Variants in SLCO2B1 observed in about 807,000 individuals in gnomAD.
SLCO2B1 encodes the protein solute carrier organic anion transporter family member 2B1.
Under a neutral mutation model 67.3 loss-of-function variants are expected in SLCO2B1, and 41 were observed. That is an observed-to-expected ratio of 0.61 (90% CI 0.47 to 0.79). The LOEUF is 0.79. Ranked by LOEUF, SLCO2B1 falls within the 30% of genes least tolerant of loss-of-function variation. SLCO2B1 has a pLI of 0.00. For missense variants in SLCO2B1, 837 were observed against 920.1 expected, an observed-to-expected ratio of 0.91 and a Z score of 1.17; for synonymous variants, 379 against 381.4, an observed-to-expected ratio of 0.99 and a Z score of 0.07.
chr11:75,197,280 A>G (rs995309350), intron 10 of SLCO2B1, among the ~76,000 whole-genome samples: 2 of 152,226 alleles, frequency 1.3e-5, no homozygotes, highest in African/African-American at 4.8e-5. Context: ...AGCACATACA[A>G]AGATGAAAAG....
Position 75,200,263 on chromosome 11 carries a change from C to A in SLCO2B1, c.1639C>A (p.Pro547Thr). Residue 547 changes from proline to threonine, a missense_variant, in exon 11 of 14, where the codon CCC (proline) becomes ACC (threonine). Coordinates refer to ENST00000289575, the MANE Select transcript of SLCO2B1 (RefSeq NM_007256.5). ...TNCSCVVEGNPVLAGSCDSTC... is the reference protein window; with the variant it reads ...TNCSCVVEGNTVLAGSCDSTC... ...CTGCAGCTGCGTGGTGGAGGGCAAC[C>A]CCGTGCTGGCAGGATCCTGCGACTC... 6.2e-7 allele frequency: 1 copy of A among 1,613,852 alleles called. No homozygotes were observed. The highest frequency in any genetic ancestry group is 8.5e-7 in the Non-Finnish European group (1 of 1,179,876).
chr11:75,200,312 C>G lies in SLCO2B1; in HGVS notation c.1688C>G (p.Pro563Arg), dbSNP rs1945163721. ...TCAACGTGCAGCCATCTGGTGGTGC[C>G]CTTCCTGCTCCTGGTCAGCCTGGGC... Reference protein sequence around the residue: ...CDSTCSHLVVPFLLLVSLGSA... With the variant: ...CDSTCSHLVVRFLLLVSLGSA... The change falls in exon 11 of 14, where the codon CCC becomes CGC. Residue 563 changes from proline (P) to arginine (R), a missense_variant. Pro to Arg is a moderately radical substitution (Grantham distance 103). Transcript: ENST00000289575. 2 of 1,613,794 alleles carry G rather than the reference C, an allele frequency of 1.2e-6. No individual in the cohort carries two copies. The highest frequency in any genetic ancestry group is 4.5e-5 in the East Asian group (2 of 44,874).
At chr11:75,172,635 A>T in intron 7 of SLCO2B1, 66 bp downstream of exon 7, 5 of 1,426,538 alleles carry the variant, frequency 3.5e-6, no homozygotes, top group Non-Finnish European at 4.9e-6. Flanking sequence ...TCTCCTTTGT[A>T]ACATTACACT....
chr11:75,157,308 T>C (rs936878115), intron 1 of SLCO2B1, among the ~76,000 whole-genome samples: 1 of 152,190 alleles, frequency 6.6e-6, no homozygotes, highest in African/African-American at 2.4e-5. Flanking sequence ...AAATAGCAAA[T>C]ACCATCATGT....
intron 4 of SLCO2B1, 117 bp downstream of exon 4, chr11:75,166,066 G>A (rs1949887743): frequency 1.6e-6 from 2 of 1,264,886 alleles, no homozygotes; most frequent in Non-Finnish European, 2.2e-6. Flanking sequence ...CAACACCCCA[G>A]GACAGCTGCT....
At chr11:75,199,942 C>T (rs553063822) in intron 10 of SLCO2B1, 25 of 450,544 alleles carry the variant, frequency 5.5e-5, no homozygotes, top group South Asian at 4.9e-4. Context: ...GGGAATGATG[C>T]TCTCCTGGCT....
chr11:75,203,217 AC>A (rs1012387137), intron 12 of SLCO2B1, 89 bp from the exon 13 acceptor site: 4 of 1,529,458 alleles, frequency 2.6e-6, no homozygotes, highest in Non-Finnish European at 3.5e-6. Flanking sequence ...GGCCCCAGTA[AC>A]CCAGAGCCCC....
intron 3 of SLCO2B1, 62 bp from the exon 4 acceptor site, chr11:75,165,725 T>C: frequency 6.5e-7 from 1 of 1,536,060 alleles, no homozygotes; most frequent in South Asian, 1.2e-5. Context: ...GAGACAAGGA[T>C]AGTGCAGGCC....
intron 7 of SLCO2B1, among the ~76,000 whole-genome samples, chr11:75,176,796 G>T (rs760739360): frequency 5.3e-5 from 8 of 152,222 alleles, no homozygotes; most frequent in Non-Finnish European, 1.0e-4. Flanking sequence ...GGCAGCATCT[G>T]TGAGTTCTGA....
At position 75,206,420 on chromosome 11, in the gene SLCO2B1, T is replaced by G. The variant is rs1316951120; in HGVS notation, c.*1840T>G. The G allele has an allele frequency of 6.6e-6, 1 of 152,236 alleles. No homozygotes were observed. Among genetic ancestry groups the G allele is most frequent in the Non-Finnish European group, 1.5e-5 (1 of 68,042 alleles). The allele number at this position is 152,236 out of a possible 1,614,324, so 9.4% of individuals were successfully genotyped here. A position where few individuals can be genotyped will look rare whatever the true frequency, so the allele number is the denominator to read the frequency against. On this transcript the variant is annotated 3_prime_UTR_variant, in exon 14 of 14. Transcript: ENST00000289575. ...TCTTTATATTCTGGTCTAATTTTTG[T>G]TTGAGTGTCTTCGTCTACTAATGGT...
Position 75,204,466 on chromosome 11 carries a change from C to T in SLCO2B1, c.2016C>T (p.Val672=). The T allele has an allele frequency of 6.2e-7, 1 of 1,613,408 alleles. No individual in the cohort carries two copies. The highest frequency in any genetic ancestry group is 8.5e-7 in the Non-Finnish European group (1 of 1,179,650). Residue 672 remains valine (V), a synonymous_variant, in exon 14 of 14, where the codon GTC becomes GTT. Coordinates refer to ENST00000289575, the MANE Select transcript of SLCO2B1 (RefSeq NM_007256.5). ...SVICFALVLA[V]LRQQDKEART... ...TCTGCTTCGCCTTAGTTTTGGCTGT[C>T]CTGAGGCAGCAGGACAAAGAGGCAA...
intron 1 of SLCO2B1, among the ~76,000 whole-genome samples, chr11:75,152,983 G>A (rs184921634): frequency 5.3e-5 from 8 of 152,254 alleles, no homozygotes; most frequent in Admixed American, 2.0e-4. Flanking sequence ...GTTCAGATCC[G>A]GCTCCAGCAG....
intron 3 of SLCO2B1, among the ~76,000 whole-genome samples, chr11:75,165,512 T>C (rs1381706758): frequency 1.3e-5 from 2 of 152,222 alleles, no homozygotes; most frequent in Non-Finnish European, 2.9e-5. Context: ...ACCCCTTCAT[T>C]TGATGGCCCA....
At chr11:75,161,651 T>C (rs937301224) in intron 1 of SLCO2B1, among the ~76,000 whole-genome samples, 3 of 152,130 alleles carry the variant, frequency 2.0e-5, no homozygotes, top group Admixed American at 1.3e-4. Context: ...AGGAAACTCC[T>C]GCCGGTGGTG....
chr11:75,190,994 A>G (rs986569759), intron 8 of SLCO2B1, among the ~76,000 whole-genome samples: 14 of 152,330 alleles, frequency 9.2e-5, no homozygotes, highest in African/African-American at 3.4e-4. Flanking sequence ...GGAATTTTCC[A>G]TCTATTCCGG....
Position 75,193,318 on chromosome 11 carries a change from C to A in SLCO2B1, c.1176C>A (p.Thr392=). The A allele has an allele frequency of 6.2e-7, 1 of 1,614,110 alleles. No individual in the cohort carries two copies. The highest frequency in any genetic ancestry group is 8.5e-7 in the Non-Finnish European group (1 of 1,180,028). The change falls in exon 9 of 14, where the codon ACC becomes ACA. Residue 392 remains threonine, a synonymous_variant. Transcript: ENST00000289575. This position sits in a 1 kb window ranked among gnomAD's most constrained non-coding sequence, Gnocchi z 4.2. ...CATCCATGGCTGCGGGCATGGCCAC[C>A]TTCCTGCCCAAGTTCCTGGAGCGCC... ...CLSSMAAGMA[T]FLPKFLERQF... is the part of the protein sequence containing the mutation.
intron 7 of SLCO2B1, among the ~76,000 whole-genome samples, chr11:75,178,242 T>G (rs1950051039): frequency 1.3e-5 from 2 of 152,192 alleles, no homozygotes; most frequent in Non-Finnish European, 2.9e-5. Flanking sequence ...CTCTGCTACT[T>G]ACTAATTCTG....
rs755176397 is a variant in SLCO2B1 at position 75,200,247 on chromosome 11, C to T, written c.1623C>T (p.Cys541=). The T allele has an allele frequency of 4.3e-6, 7 of 1,612,856 alleles. No individual in the cohort carries two copies. The highest frequency in any genetic ancestry group is 3.3e-5 in the Admixed American group (2 of 59,946). Residue 541 remains cysteine, a synonymous_variant, in exon 11 of 14, where the codon TGC becomes TGT. Transcript: ENST00000289575. ...NSQVFYTNCS[C]VVEGNPVLAG... is the part of the protein sequence containing the mutation. The stretch of plus-strand genomic sequence containing the variant: ...AGGTTTTCTACACCAACTGCAGCTG[C>T]GTGGTGGAGGGCAACCCCGTGCTGG...
intron 1 of SLCO2B1, among the ~76,000 whole-genome samples, chr11:75,153,653 G>T (rs1165551300): frequency 6.6e-6 from 1 of 152,190 alleles, no homozygotes; most frequent in Non-Finnish European, 1.5e-5. Context: ...GCTTAGAAAA[G>T]TGACTACACC....
Sources: gnomAD v4.1 joint callset for allele counts (sites outside exome capture counted in the v4.1 genomes callset) on GRCh38, gnomAD v4.1.1 for gene constraint, Gnocchi (gnomAD v3.1) non-coding constraint, MANE v1.5 for transcripts, NCBI Gene and HGNC (gene_info 2026-07-23, HGNC 2026-07-21) for gene names.